Variants in BMP3 observed in about 807,000 individuals in gnomAD.
BMP3 encodes the protein bone morphogenetic protein 3, also known as bone morphogenetic protein 3 (osteogenic).
A neutral mutation model predicts 38.1 loss-of-function variants in BMP3; 23 were observed. That is an observed-to-expected ratio of 0.60 (90% confidence interval 0.43 to 0.86). The LOEUF is 0.86. Ranked by LOEUF, BMP3 falls within the 40% of genes least tolerant of loss-of-function variation. The pLI is 0.00. For missense variants in BMP3, 628 were observed against 579.6 expected, an observed-to-expected ratio of 1.08 and a Z score of -0.86; for synonymous variants, 258 against 225.7, an observed-to-expected ratio of 1.14 and a Z score of -1.28.
In BMP3 at chr4:81,045,859, T is replaced by A; in HGVS notation, c.438T>A (p.Cys146Ter). 6.2e-7 allele frequency: 1 copy of A among 1,614,134 alleles called. No homozygotes were observed. Among genetic ancestry groups the A allele is most frequent in the Non-Finnish European group, 8.5e-7 (1 of 1,180,008 alleles). ...AGCTAGGAAACATCAGCCTGAGTTG[T>A]CCAGTGTCTGGAGGATGCTCCCATC... ...IGELGNISLS[C>*]PVSGGCSHHA... Residue 146 changes from cysteine (C) to a stop codon, truncating the protein, a stop_gained, in exon 2 of 3, where the codon TGT becomes TGA. Coordinates refer to ENST00000282701, the MANE Select transcript of BMP3 (RefSeq NM_001201.5). LOFTEE classifies it high-confidence loss of function.
At chr4:81,053,031 C>T (rs1003456243) in intron 2 of BMP3, among the ~76,000 whole-genome samples, 12 of 152,060 alleles carry the variant, frequency 7.9e-5, no homozygotes, top group Non-Finnish European at 1.0e-4. Context: ...AATCCTCTAC[C>T]ATTTACAAGC....
Position 81,031,343 on chromosome 4 carries a change from C to A in BMP3, c.59C>A (p.Ala20Glu), listed in dbSNP as rs1453915745. Residue 20 changes from alanine to glutamate, a missense_variant, in exon 1 of 3, where the codon GCG becomes GAG. Ala to Glu is a moderately radical substitution (Grantham distance 107). Transcript: ENST00000282701. ...CTGGGCTGCTTCTGCGTGAGCCTGG[C>A]GCAGGGAGAGAGACCGAAGCCACCT... is the stretch of plus-strand genomic sequence containing the variant. ...LWLGCFCVSL[A>E]QGERPKPPFP... The A allele has an allele frequency of 1.9e-6, 3 of 1,611,774 alleles. No individual in the cohort carries two copies. Among genetic ancestry groups the A allele is most frequent in the Middle Eastern group, 1.7e-4 (1 of 6,022 alleles).
intron 2 of BMP3, among the ~76,000 whole-genome samples, chr4:81,050,125 G>C (rs1187818709): frequency 1.3e-5 from 2 of 152,222 alleles, no homozygotes; most frequent in African/African-American, 4.8e-5. Flanking sequence ...ATGTGGGCTG[G>C]ACTGGAAGAA....
chr4:81,057,492 T>A lies in BMP3; in HGVS notation c.*3956T>A, dbSNP rs945392828. 4 of 152,108 alleles carry A rather than the reference T, an allele frequency of 2.6e-5. No individual in the cohort carries two copies. The highest frequency in any genetic ancestry group is 4.4e-5 in the Non-Finnish European group (3 of 67,972). The allele number at this position is 152,108 out of a possible 1,614,324, so 9.4% of individuals were successfully genotyped here. The stretch of plus-strand genomic sequence containing the variant: ...TCATTTTCTTTCAGTAATGAAAAGC[T>A]ATTCATTATACAGTATGGAAATAAA... On this transcript the variant is annotated 3_prime_UTR_variant, in exon 3 of 3. Coordinates refer to ENST00000282701, the MANE Select transcript of BMP3 (RefSeq NM_001201.5).
chr4:81,045,743 C>G lies in BMP3; in HGVS notation c.322C>G (p.Leu108Val). Reference protein sequence around the residue: ...RSFRAAAAETLERKGLYIFNL... With the variant: ...RSFRAAAAETVERKGLYIFNL... ...TCTTTCTTTTTCCTTCCTAGAAACT[C>G]TTGAAAGAAAAGGACTGTATATCTT... is the stretch of plus-strand genomic sequence containing the variant. The change falls in exon 2 of 3, where the codon CTT becomes GTT. Residue 108 changes from leucine (L) to valine (V), a missense_variant. Transcript: ENST00000282701. 6.3e-7 allele frequency: 1 copy of G among 1,580,150 alleles called. No homozygotes were observed. Among genetic ancestry groups the G allele is most frequent in the Non-Finnish European group, 8.6e-7 (1 of 1,165,686 alleles).
chr4:81,031,636 C>T (rs1355317261), intron 1 of BMP3, 36 bp downstream of exon 1: 2 of 1,513,802 alleles, frequency 1.3e-6, no homozygotes, highest in Non-Finnish European at 1.8e-6. Context: ...TCCCGCGGTC[C>T]CGCCCCAGCT....
Position 81,046,589 on chromosome 4 carries a change from T to TC in BMP3, c.1173dup (p.Lys392GlnfsTer4), listed in dbSNP as rs1400462262. 6.2e-7 allele frequency: 1 copy of TC among 1,613,956 alleles called. No homozygotes were observed. On this transcript the variant is annotated frameshift_variant, in exon 2 of 3. Transcript: ENST00000282701. LOFTEE classifies it high-confidence loss of function. ...TATTGGCTGGAGTGAATGGATTATC[T>TC]CCCCCAAGTCCTTTGATGCCTATTA...
intron 2 of BMP3, among the ~76,000 whole-genome samples, chr4:81,052,683 T>C (rs1320372693): frequency 6.6e-6 from 1 of 152,090 alleles, no homozygotes; most frequent in Non-Finnish European, 1.5e-5. Flanking sequence ...TGTGGTCTTC[T>C]TACCCCCCAG....
At chr4:81,039,442 A>G (rs1236245100) in intron 1 of BMP3, among the ~76,000 whole-genome samples, 3 of 152,168 alleles carry the variant, frequency 2.0e-5, no homozygotes, top group Non-Finnish European at 4.4e-5. Flanking sequence ...GGGCCAGCAC[A>G]AAGGTGAACT....
At chr4:81,047,449 T>C (rs557640236) in intron 2 of BMP3, among the ~76,000 whole-genome samples, 1 of 152,126 alleles carries the variant, frequency 6.6e-6, no homozygotes, top group Non-Finnish European at 1.5e-5. Flanking sequence ...GTTTAAGTAG[T>C]ACCCTCTATA....
At position 81,056,748 on chromosome 4, in the gene BMP3, A is replaced by C. The variant is rs1740581103; in HGVS notation, c.*3212A>C. On this transcript the variant is annotated 3_prime_UTR_variant, in exon 3 of 3. Transcript: ENST00000282701. ...CTTTGCTGTATATTAACTGATGATC[A>C]TTTATATGTTAAGATTTTTTACCTT... 1 of 152,562 alleles carries C rather than the reference A, an allele frequency of 6.6e-6. No individual in the cohort carries two copies. Among genetic ancestry groups the C allele is most frequent in the Admixed American group, 6.6e-5 (1 of 15,260 alleles). The allele number at this position is 152,562 out of a possible 1,614,324, so 9.5% of individuals were successfully genotyped here. A position where few individuals can be genotyped will look rare whatever the true frequency, so the allele number is the denominator to read the frequency against.
At chr4:81,045,172 C>T (rs1041187514) in intron 1 of BMP3, among the ~76,000 whole-genome samples, 1 of 151,984 alleles carries the variant, frequency 6.6e-6, no homozygotes, top group Non-Finnish European at 1.5e-5. Flanking sequence ...TCAAGTAGTA[C>T]TTCACTGTGA....
At chr4:81,034,530 TA>T (rs1208080681) in intron 1 of BMP3, among the ~76,000 whole-genome samples, 1 of 152,226 alleles carries the variant, frequency 6.6e-6, no homozygotes, top group African/African-American at 2.4e-5. Context: ...CATAGTCACT[TA>T]ATCTTCCTTT....
intron 1 of BMP3, 110 bp from the exon 2 acceptor site, chr4:81,045,628 A>G (rs1184172890): frequency 3.2e-6 from 3 of 937,458 alleles, no homozygotes; most frequent in East Asian, 5.6e-5. Flanking sequence ...CAAAAATTTC[A>G]TGGATTTAGT....
chr4:81,046,947 C>A (rs187435329), intron 2 of BMP3, among the ~76,000 whole-genome samples: 13 of 152,240 alleles, frequency 8.5e-5, no homozygotes, highest in Admixed American at 8.5e-4. Flanking sequence ...CATATTCAGC[C>A]ACATGGTTGT....
intron 1 of BMP3, among the ~76,000 whole-genome samples, chr4:81,036,929 G>A (rs1739939678): frequency 6.6e-6 from 1 of 151,964 alleles, no homozygotes; most frequent in East Asian, 1.9e-4. Context: ...TAAAACATCA[G>A]CATGTAGATC....
Position 81,031,559 on chromosome 4 carries a change from G to A in BMP3, c.275G>A (p.Arg92His). The A allele has an allele frequency of 6.2e-7, 1 of 1,610,186 alleles. No individual in the cohort carries two copies. The highest frequency in any genetic ancestry group is 8.5e-7 in the Non-Finnish European group (1 of 1,178,816). Residue 92 changes from arginine to histidine, a missense_variant, in exon 1 of 3, where the codon CGC (arginine) becomes CAC (histidine). Transcript: ENST00000282701. ...CAGCCCTGGCGCCCTCGGCTCCTGC[G>A]CGAAGGCAACACGGTTCGCAGCTTT... ...GSQPWRPRLLREGNTVRSFRA... is the reference protein window; with the variant it reads ...GSQPWRPRLLHEGNTVRSFRA...
intron 2 of BMP3, among the ~76,000 whole-genome samples, chr4:81,049,113 A>G (rs1240960140): frequency 2.0e-5 from 3 of 152,218 alleles, no homozygotes; most frequent in East Asian, 1.9e-4. Context: ...TGGAAAAATG[A>G]GACAGTAGAG....
At chr4:81,038,439 C>G (rs1739979372) in intron 1 of BMP3, among the ~76,000 whole-genome samples, 1 of 152,142 alleles carries the variant, frequency 6.6e-6, no homozygotes, top group Non-Finnish European at 1.5e-5. Flanking sequence ...TCACTAAATA[C>G]TTCAGTTGAG....
Sources: gnomAD v4.1 joint callset for allele counts (sites outside exome capture counted in the v4.1 genomes callset) on GRCh38, gnomAD v4.1.1 for gene constraint, MANE v1.5 for transcripts, NCBI Gene and HGNC (gene_info 2026-07-23, HGNC 2026-07-21) for gene names.